Variants in WDR17 observed in about 807,000 individuals in gnomAD.
The protein encoded by WDR17 is WD repeat-containing protein 17.
In WDR17, 143 loss-of-function variants were observed where a neutral mutation model predicts 161.7. The ratio of observed to expected loss-of-function variants is 0.88; its 90% CI spans 0.77 to 1.02. The LOEUF (loss-of-function observed/expected upper bound fraction) is 1.02, where lower values mean the gene tolerates loss of function less well. WDR17 is among the 50% of genes least tolerant of loss of function. The probability of loss-of-function intolerance (pLI) is 0.00; values close to 1 mark genes in which losing one functional copy is unlikely to be tolerated. For missense variants in WDR17, 1,469 were observed against 1,520.9 expected, an observed-to-expected ratio of 0.97 and a Z score of 0.57; for synonymous variants, 517 against 515.6, an observed-to-expected ratio of 1.00 and a Z score of -0.04.
chr4:176,177,072 G>A lies in WDR17; in HGVS notation c.3464G>A (p.Arg1155His), dbSNP rs148628975. 37 of 1,613,672 alleles carry A rather than the reference G, an allele frequency of 2.3e-5. No homozygotes were observed. The highest frequency in any genetic ancestry group is 2.0e-4 in the South Asian group (18 of 91,050). Residue 1155 changes from arginine (R) to histidine (H), a missense_variant, in exon 27 of 29, where the codon CGT (arginine) becomes CAT (histidine). By Grantham distance (29) the Arg-to-His change is conservative. Coordinates refer to ENST00000508596, the MANE Select transcript of WDR17 (RefSeq NM_181265.4). Reference sequence around the variant, plus strand: ...CACACGTTCAGTCAGCTATTAAAACGTCGGGAGGTGTCAGTACCTTTAAAA... The same window carrying A: ...CACACGTTCAGTCAGCTATTAAAACATCGGGAGGTGTCAGTACCTTTAAAA... ...LYEYTSQLLK[R>H]REVSVPLKIE... is the part of the protein sequence containing the mutation.
rs565476644 is a variant in WDR17 at position 176,167,562 on chromosome 4, C to G, written c.2991-1110C>G. On this transcript the variant is annotated intron_variant, in intron 22 of 28. Transcript: ENST00000508596. ...TCGGGAGGCTGAGGCAGGAGAATGG[C>G]GTGAACCCCAGGGGGCGGAGCCTGC... Among the ~76,000 whole-genome samples, 19 of 135,564 alleles carry G rather than the reference C, an allele frequency of 1.4e-4. No individual in the cohort carries two copies. The South Asian group carries it at 4.8e-3, about 34-fold the overall frequency. 88.9% of individuals were successfully genotyped at this position (135,564 alleles called of 152,430 possible). A position where few individuals can be genotyped will look rare whatever the true frequency, so the allele number is the denominator to read the frequency against.
At chr4:176,129,574 C>T (rs1743028868) in intron 6 of WDR17, among the ~76,000 whole-genome samples, 1 of 152,012 alleles carries the variant, frequency 6.6e-6, no homozygotes, top group South Asian at 2.1e-4. Context: ...CTGTATAACA[C>T]ATCATTAAAA....
rs548595251 is a variant in WDR17, at chr4:176,110,006, A to G, written c.-6-1569A>G. Among the ~76,000 whole-genome samples, 7 of 152,314 alleles carry G rather than the reference A, an allele frequency of 4.6e-5. No homozygotes were observed. The East Asian group carries it at 7.7e-4, about 17-fold the overall frequency. ...ATATTTAAGATTATAATCACTACTTACATTTTTTCCTTATTTAAAAATCAG... is the reference window on the plus strand; with the variant it reads ...ATATTTAAGATTATAATCACTACTTGCATTTTTTCCTTATTTAAAAATCAG... On this transcript the variant is annotated intron_variant, in intron 1 of 28. Coordinates refer to ENST00000508596, the MANE Select transcript of WDR17 (RefSeq NM_181265.4).
At chr4:176,075,636 C>T (rs1733862678) in intron 1 of WDR17, among the ~76,000 whole-genome samples, 1 of 152,096 alleles carries the variant, frequency 6.6e-6, no homozygotes, top group South Asian at 2.1e-4. Context: ...AAATTGCCTT[C>T]TAAATCTTTC....
intron 1 of WDR17, chr4:176,096,373 G>T: frequency 4.3e-6 from 2 of 463,684 alleles, no homozygotes; most frequent in South Asian, 5.8e-5. Context: ...TGAAATATTT[G>T]TGCAGTTCTA....
intron 1 of WDR17, among the ~76,000 whole-genome samples, chr4:176,084,547 G>A (rs1441662204): frequency 1.3e-5 from 2 of 151,560 alleles, no homozygotes; most frequent in Non-Finnish European, 2.9e-5. Flanking sequence ...CCAAATTATA[G>A]CAATAAGTTT....
intron 2 of WDR17, among the ~76,000 whole-genome samples, chr4:176,112,337 C>G (rs1340721615): frequency 6.6e-6 from 1 of 152,188 alleles, no homozygotes; most frequent in African/African-American, 2.4e-5. Context: ...TTAATAGTCT[C>G]TACTTTTAGT....
At position 176,179,679 on chromosome 4, in the gene WDR17, G is replaced by A. The variant is rs1751955244; in HGVS notation, c.*100G>A. On this transcript the variant is annotated 3_prime_UTR_variant, in exon 29 of 29. Transcript: ENST00000508596. ...GTTGCTCAAGTGCCAGAGGTTGGGA[G>A]AAGGATTGCAGGTTGGGAGAGGTGG... The A allele has an allele frequency of 8.0e-7, 1 of 1,248,654 alleles. No homozygotes were observed. The highest frequency in any genetic ancestry group is 2.8e-5 in the East Asian group (1 of 36,022). 77.3% of individuals were successfully genotyped at this position (1,248,654 alleles called of 1,614,324 possible).
At chr4:176,124,679 G>A (rs973382039) in intron 4 of WDR17, among the ~76,000 whole-genome samples, 2 of 152,188 alleles carry the variant, frequency 1.3e-5, no homozygotes, top group African/African-American at 4.8e-5. Context: ...AGCAGAACAG[G>A]ATCGGAACCA....
At chr4:176,112,755 T>C (rs1248190784) in intron 2 of WDR17, among the ~76,000 whole-genome samples, 1 of 152,186 alleles carries the variant, frequency 6.6e-6, no homozygotes, top group East Asian at 1.9e-4. Flanking sequence ...GTCTTTCCCA[T>C]CTTTTAATTC....
At chr4:176,130,963 A>G (rs1743349312) in intron 6 of WDR17, among the ~76,000 whole-genome samples, 2 of 152,114 alleles carry the variant, frequency 1.3e-5, no homozygotes, top group African/African-American at 4.8e-5. Flanking sequence ...AATTGAAAGT[A>G]GGAGAAATCC....
intron 18 of WDR17, among the ~76,000 whole-genome samples, chr4:176,158,610 A>G (rs1399400750): frequency 6.6e-6 from 1 of 152,198 alleles, no homozygotes; most frequent in Non-Finnish European, 1.5e-5. Flanking sequence ...TAGCCCAAAG[A>G]AGAAATCTGG....
Position 176,094,713 on chromosome 4 carries a change from T to C in WDR17, c.-6-16862T>C, listed in dbSNP as rs140960265. On this transcript the variant is annotated intron_variant, in intron 1 of 28. Transcript: ENST00000508596. ...GTAATGAAGATAAGGGCCTTCTGAA[T>C]AGACTTTTTCAAAGTAATTTGATAA... Among the ~76,000 whole-genome samples the C allele has an allele frequency of 5.3e-5, 8 of 152,328 alleles. No individual in the cohort carries two copies. In the East Asian group the frequency reaches 1.5e-3, roughly 29 times the overall value.
chr4:176,108,919 A>T (rs1433385565), intron 1 of WDR17, among the ~76,000 whole-genome samples: 5 of 152,086 alleles, frequency 3.3e-5, no homozygotes, highest in Admixed American at 1.3e-4. Flanking sequence ...CTTCCCAAGT[A>T]GCTGGGGCTA....
Position 176,173,473 on chromosome 4 carries a change from A to G in WDR17, c.3347+104A>G. 4 of 643,598 alleles carry G rather than the reference A, an allele frequency of 6.2e-6. No homozygotes were observed. In the Admixed American group the frequency reaches 1.3e-4, roughly 21 times the overall value. 39.9% of individuals were successfully genotyped at this position (643,598 alleles called of 1,614,324 possible). A position where few individuals can be genotyped will look rare whatever the true frequency, so the allele number is the denominator to read the frequency against. ...ATCGGGAAATAGGATTATCTTGGAC[A>G]GGTAGCTACACTTGTAGAAATATTA... On this transcript the variant is annotated intron_variant, in intron 25 of 28. Coordinates refer to ENST00000508596, the MANE Select transcript of WDR17 (RefSeq NM_181265.4).
chr4:176,156,440 A>G (rs151136443), intron 18 of WDR17, among the ~76,000 whole-genome samples: 2 of 152,312 alleles, frequency 1.3e-5, no homozygotes, highest in East Asian at 1.9e-4. Context: ...CTATTGAAAT[A>G]TAAGTGGCAA....
At chr4:176,115,276 A>G (rs1740418873) in intron 2 of WDR17, among the ~76,000 whole-genome samples, 3 of 152,078 alleles carry the variant, frequency 2.0e-5, no homozygotes, top group East Asian at 1.9e-4. Context: ...TATTTTTTCT[A>G]TTTATGTATA....
rs1741772195 is a variant in WDR17, at chr4:176,122,528, T to C, written c.538+2431T>C. Among the ~76,000 whole-genome samples the C allele has an allele frequency of 2.0e-5, 3 of 152,216 alleles. No homozygotes were observed. In the South Asian group the frequency reaches 6.2e-4, roughly 32 times the overall value. Reference sequence around the variant, plus strand: ...TAAGTATTTTCCTTTTGCATATACATGAGGGAATGGATCATGAAGGAATCA... The same window carrying C: ...TAAGTATTTTCCTTTTGCATATACACGAGGGAATGGATCATGAAGGAATCA... On this transcript the variant is annotated intron_variant, in intron 4 of 28. Transcript: ENST00000508596.
chr4:176,179,726 C>A lies in WDR17; in HGVS notation c.*147C>A. The A allele has an allele frequency of 1.9e-6, 1 of 516,608 alleles. No individual in the cohort carries two copies. The highest frequency in any genetic ancestry group is 2.9e-6 in the Non-Finnish European group (1 of 349,398). 32.0% of individuals were successfully genotyped at this position (516,608 alleles called of 1,614,324 possible). The stretch of plus-strand genomic sequence containing the variant: ...GTGGGAAATAGCAGTGAATTTTAGT[C>A]ATTAACTTCAAAATATATATATATA... On this transcript the variant is annotated 3_prime_UTR_variant, in exon 29 of 29. Transcript: ENST00000508596.
Sources: allele counts gnomAD v4.1 joint callset (sites outside exome capture counted in the v4.1 genomes callset), GRCh38; gene constraint gnomAD v4.1.1; transcripts MANE v1.5; gene names NCBI Gene and HGNC (gene_info 2026-07-23, HGNC 2026-07-21).